TMSB15B: variants seen among roughly 807,000 people sequenced by gnomAD.
TMSB15B encodes thymosin beta 15B.
At chrX:103,950,150 A>G (rs1180748) in intron 1 of TMSB15B, among the ~76,000 whole-genome samples, 41,108 of 110,140 alleles carry the variant, frequency 0.37, 5,663 homozygotes, top group Admixed American at 0.53. Flanking sequence ...AATCAGGTGG[A>G]CCCTGATTAG....
intron 1 of TMSB15B, among the ~76,000 whole-genome samples, chrX:103,954,879 GAGGC>G (rs1453417710): frequency 8.9e-6 from 1 of 111,739 alleles, no homozygotes; most frequent in Non-Finnish European, 1.9e-5. Context: ...TGCCCACAGG[GAGGC>G]AGGCACCTCT....
chrX:103,920,154 C>T (rs2074947907), intron 1 of TMSB15B, among the ~76,000 whole-genome samples: 3 of 111,846 alleles, frequency 2.7e-5, no homozygotes, highest in Non-Finnish European at 5.6e-5. Flanking sequence ...TTTGTGACGC[C>T]AAGGGAGGCA....
chrX:103,951,457 T>C (rs1273238727), intron 1 of TMSB15B, among the ~76,000 whole-genome samples: 1 of 111,676 alleles, frequency 9.0e-6, no homozygotes, highest in African/African-American at 3.3e-5. Context: ...GAGAAAGAAG[T>C]TGCAAAATAA....
intron 1 of TMSB15B, among the ~76,000 whole-genome samples, chrX:103,954,158 G>C (rs1236673174): frequency 8.9e-6 from 1 of 112,385 alleles, no homozygotes; most frequent in Non-Finnish European, 1.9e-5. Flanking sequence ...TTTGTTGCAG[G>C]AGTATCTGTA....
chrX:103,922,191 A>T (rs2074955251), intron 1 of TMSB15B, among the ~76,000 whole-genome samples: 2 of 105,125 alleles, frequency 1.9e-5, no homozygotes, highest in Admixed American at 1.0e-4. Flanking sequence ...ATTTTTATTT[A>T]ATTTATTTAT....
chrX:103,951,086 C>T (rs191457690), intron 1 of TMSB15B, among the ~76,000 whole-genome samples: 2 of 112,111 alleles, frequency 1.8e-5, no homozygotes, highest in Non-Finnish European at 1.9e-5. Context: ...TGTGTCTTCA[C>T]ATGGCCAGCC....
intron 1 of TMSB15B, among the ~76,000 whole-genome samples, chrX:103,947,226 T>C (rs1227422960): frequency 1.8e-5 from 2 of 111,643 alleles, no homozygotes; most frequent in Non-Finnish European, 3.8e-5. Context: ...ACAACATGGA[T>C]GAATCTCACA....
chrX:103,926,692 A>G (rs1184332871), intron 1 of TMSB15B, among the ~76,000 whole-genome samples: 11 of 110,682 alleles, frequency 9.9e-5, no homozygotes, highest in Admixed American at 9.5e-4. Context: ...CTACTCCTCC[A>G]TGGGGACCTG....
At chrX:103,938,870 A>G (rs2147821579) in intron 1 of TMSB15B, among the ~76,000 whole-genome samples, 1 of 111,978 alleles carries the variant, frequency 8.9e-6, no homozygotes, top group African/African-American at 3.2e-5. Context: ...ATTCCTTAGC[A>G]TTTGCTTGTC....
chrX:103,944,327 A>G (rs1196921460), intron 1 of TMSB15B, among the ~76,000 whole-genome samples: 2 of 112,258 alleles, frequency 1.8e-5, no homozygotes, highest in African/African-American at 6.5e-5. Flanking sequence ...AAACAATCCT[A>G]TGAGATAAGC....
At chrX:103,921,255 T>C (rs1274510752) in intron 1 of TMSB15B, among the ~76,000 whole-genome samples, 2 of 111,871 alleles carry the variant, frequency 1.8e-5, no homozygotes, top group African/African-American at 6.5e-5. Flanking sequence ...AGAAGGCAGG[T>C]TGCTCACCTC....
Position 103,928,269 on chromosome X carries a change from A to G in TMSB15B, c.-721+8977A>G, listed in dbSNP as rs782237836. ...AAGGTTGTGTTTCGGCAACAGATCCATGCCATGGCAGTGTCAGAGGCTGTG... is the reference window on the plus strand; with the variant it reads ...AAGGTTGTGTTTCGGCAACAGATCCGTGCCATGGCAGTGTCAGAGGCTGTG... On this transcript the variant is annotated intron_variant, in intron 1 of 3. Coordinates refer to the TMSB15B transcript ENST00000419165. The G allele has an allele frequency of 2.0e-5, 24 of 1,204,813 alleles. No homozygotes were observed. In the East Asian group the frequency reaches 4.7e-4, roughly 24 times the overall value.
intron 1 of TMSB15B, among the ~76,000 whole-genome samples, chrX:103,941,268 A>G (rs1415271349): frequency 8.9e-6 from 1 of 112,417 alleles, no homozygotes; most frequent in East Asian, 2.8e-4. Flanking sequence ...ACTTAGGTTG[A>G]TTCCATAACT....
chrX:103,931,349 C>T (rs1367764287), intron 1 of TMSB15B: 4 of 112,077 alleles, frequency 3.6e-5, no homozygotes, highest in African/African-American at 1.3e-4. Context: ...TAATTTCAAA[C>T]ATTTAAAAAT....
intron 1 of TMSB15B, among the ~76,000 whole-genome samples, chrX:103,930,710 GATA>G (rs2074982158): frequency 1.2e-5 from 1 of 86,828 alleles, no homozygotes; most frequent in Non-Finnish European, 2.2e-5. Flanking sequence ...TTGTGCTAAT[GATA>G]ATGATGCTGT....
intron 1 of TMSB15B, among the ~76,000 whole-genome samples, chrX:103,923,087 T>C (rs1347817998): frequency 2.7e-5 from 3 of 112,482 alleles, no homozygotes; most frequent in Non-Finnish European, 3.8e-5. Context: ...AGGTTCTTTG[T>C]AGATTCTGGA....
At chrX:103,974,330 T>A in the TMSB15B span, among the ~76,000 whole-genome samples, 2 of 8,983 alleles carry the variant, frequency 2.2e-4, 1 homozygote, top group African/African-American at 2.8e-4. Context: ...CAGGTATGAG[T>A]TTTGTAACCA....
At chrX:103,929,975 G>A (rs376657301) in intron 1 of TMSB15B, among the ~76,000 whole-genome samples, 16 of 110,427 alleles carry the variant, frequency 1.4e-4, no homozygotes, top group East Asian at 8.5e-4. Context: ...CAATTAACTC[G>A]TCATTTAGCA....
In TMSB15B at chrX:103,941,347, A is replaced by AT. The variant is rs371121667; in HGVS notation, c.-720-20664dup. 2.1e-3 allele frequency among the ~76,000 whole-genome samples: 223 copies of AT among 108,357 alleles called. 1 individual carries two copies. Among genetic ancestry groups the AT allele is most frequent in the African/African-American group, 5.4e-3 (163 of 29,947 alleles). The allele number at this position is 108,357 out of a possible 115,157, so 94.1% of individuals were successfully genotyped here. A position where few individuals can be genotyped will look rare whatever the true frequency, so the allele number is the denominator to read the frequency against. On this transcript the variant is annotated intron_variant, in intron 1 of 3. Transcript: ENST00000419165. The stretch of plus-strand genomic sequence containing the variant: ...ATCTCTTCAATATACGGTTTAAAAC[A>AT]TTTTTTTTTTGGAAACATACACAGC...
Sources: gnomAD v4.1 joint callset for allele counts (sites outside exome capture counted in the v4.1 genomes callset) on GRCh38, gnomAD v4.1.1 for gene constraint, MANE v1.5 for transcripts, NCBI Gene and HGNC (gene_info 2026-07-23, HGNC 2026-07-21) for gene names.